Variants in CCNY observed in about 807,000 individuals in gnomAD.
CCNY encodes the protein cyclin-Y.
CCNY carries 19 observed loss-of-function variants against 42.8 expected under a neutral mutation model. That is an observed-to-expected ratio of 0.44 (90% confidence interval 0.31 to 0.65). The LOEUF (loss-of-function observed/expected upper bound fraction) is 0.65. Among genes scored for constraint, CCNY ranks in the 30% least tolerant of loss-of-function variants. The probability of loss-of-function intolerance (pLI) is 0.07; values close to 1 mark genes in which losing one functional copy is unlikely to be tolerated. For missense variants in CCNY, 370 were observed against 437.3 expected (o/e 0.85, Z 1.37); for synonymous variants, 165 against 162.7 (o/e 1.01, Z -0.11).
At chr10:35,283,491 C>T (rs1195114956) in intron 3 of CCNY, among the ~76,000 whole-genome samples, 3 of 152,004 alleles carry the variant, frequency 2.0e-5, no homozygotes, top group Non-Finnish European at 4.4e-5. Flanking sequence ...ACCACCTCTG[C>T]CTCCTGGGTT....
chr10:35,363,031 C>T lies in CCNY; in HGVS notation c.154+25824C>T, dbSNP rs112232445. Among the ~76,000 whole-genome samples the T allele has an allele frequency of 3.4e-3, 493 of 145,706 alleles. 3 individuals are homozygous for T. Among genetic ancestry groups the T allele is most frequent in the African/African-American group, 0.012 (462 of 39,092 alleles). On this transcript the variant is annotated intron_variant, in intron 1 of 9. Transcript: ENST00000374704. The stretch of plus-strand genomic sequence containing the variant: ...CCTCACTTCCCAGGTGGTGGGCCGC[C>T]GGCGGCCGGGCGGAGACGCTCCTCA...
intron 1 of CCNY, among the ~76,000 whole-genome samples, chr10:35,469,203 T>G (rs149180694): frequency 8.3e-4 from 126 of 152,330 alleles, no homozygotes; most frequent in African/African-American, 2.9e-3. Flanking sequence ...TCTCTTTGAT[T>G]CGGGCCTTAG....
chr10:35,482,749 GGTGT>G (rs56033862), intron 1 of CCNY, among the ~76,000 whole-genome samples: 4,203 of 128,840 alleles, frequency 0.033, 95 homozygotes, highest in African/African-American at 0.061. Context: ...GCTGGAAATA[GGTGT>G]GTGTGTGTGT....
chr10:35,444,031 G>A (rs1005746935), intron 1 of CCNY, among the ~76,000 whole-genome samples: 15 of 152,186 alleles, frequency 9.9e-5, no homozygotes, highest in Non-Finnish European at 1.6e-4. Context: ...AACTGCTAGC[G>A]AGTAGCACCC....
At chr10:35,328,594 C>T (rs1006369991) in intron 3 of CCNY, among the ~76,000 whole-genome samples, 5 of 152,106 alleles carry the variant, frequency 3.3e-5, no homozygotes, top group Admixed American at 2.6e-4. Context: ...TATATTACAT[C>T]ATGGAGAAAC....
chr10:35,436,286 C>G (rs1838530983), intron 1 of CCNY, among the ~76,000 whole-genome samples: 1 of 152,212 alleles, frequency 6.6e-6, no homozygotes, highest in African/African-American at 2.4e-5. Flanking sequence ...TCCTGGTGAG[C>G]TGATCCTTAT....
At chr10:35,538,483 GTGTC>G (rs2135432632) in intron 7 of CCNY, among the ~76,000 whole-genome samples, 1 of 152,290 alleles carries the variant, frequency 6.6e-6, no homozygotes, top group Admixed American at 6.5e-5. Context: ...ATGCTTGTTA[GTGTC>G]TGTCTTTTTC....
At chr10:35,438,518 C>T (rs1838593603) in intron 1 of CCNY, among the ~76,000 whole-genome samples, 1 of 151,992 alleles carries the variant, frequency 6.6e-6, no homozygotes, top group Admixed American at 6.6e-5. Flanking sequence ...TTAAGTTAAC[C>T]AGCCCTCTAT....
At chr10:35,479,214 T>G (rs1388908197) in intron 1 of CCNY, among the ~76,000 whole-genome samples, 3 of 151,738 alleles carry the variant, frequency 2.0e-5, no homozygotes, top group African/African-American at 7.3e-5. Context: ...CTCAGGGATC[T>G]AGAACTAGAA....
intron 3 of CCNY, among the ~76,000 whole-genome samples, chr10:35,254,830 CAAAA>C (rs748535872): frequency 2.3e-3 from 87 of 38,084 alleles, no homozygotes; most frequent in African/African-American, 7.7e-3. Context: ...GACCCTGTCT[CAAAA>C]AAAAAAAAAA....
At chr10:35,427,727 G>T (rs1838300457) in intron 1 of CCNY, among the ~76,000 whole-genome samples, 1 of 152,246 alleles carries the variant, frequency 6.6e-6, no homozygotes, top group South Asian at 2.1e-4. Flanking sequence ...CAGCTTCAGA[G>T]ATTTTCCAAA....
At chr10:35,290,785 G>T (rs1835404512) in intron 3 of CCNY, among the ~76,000 whole-genome samples, 1 of 151,872 alleles carries the variant, frequency 6.6e-6, no homozygotes, top group South Asian at 2.1e-4. Flanking sequence ...AACATAGTGA[G>T]ACCCTGTCTA....
chr10:35,256,073 A>T (rs1206189171), intron 3 of CCNY, among the ~76,000 whole-genome samples: 1 of 152,116 alleles, frequency 6.6e-6, no homozygotes, highest in Non-Finnish European at 1.5e-5. Context: ...TTCACTTCCA[A>T]CGGATTGTGT....
At chr10:35,492,292 G>A (rs776486547) in intron 2 of CCNY, among the ~76,000 whole-genome samples, 4 of 152,212 alleles carry the variant, frequency 2.6e-5, no homozygotes, top group South Asian at 2.1e-4. Context: ...TCTGTGGCAT[G>A]CTCTGCCCGC....
chr10:35,548,685 G>A (rs1168856007), intron 7 of CCNY, among the ~76,000 whole-genome samples: 1 of 152,172 alleles, frequency 6.6e-6, no homozygotes, highest in Non-Finnish European at 1.5e-5. Flanking sequence ...GGCTGAGGAG[G>A]GGAGGAGGGG....
intron 8 of CCNY, among the ~76,000 whole-genome samples, chr10:35,559,062 G>A (rs1050316864): frequency 1.3e-5 from 2 of 152,220 alleles, no homozygotes; most frequent in Non-Finnish European, 2.9e-5. Context: ...GGGCATTAAA[G>A]GTGATTCTGG....
At chr10:35,547,472 G>A (rs751560895) in intron 7 of CCNY, among the ~76,000 whole-genome samples, 1 of 152,024 alleles carries the variant, frequency 6.6e-6, no homozygotes, top group Non-Finnish European at 1.5e-5. Flanking sequence ...TTGGCTTCCC[G>A]TGTGCCCATA....
chr10:35,487,513 C>G (rs1839812425), intron 2 of CCNY, among the ~76,000 whole-genome samples: 1 of 152,090 alleles, frequency 6.6e-6, no homozygotes, highest in African/African-American at 2.4e-5. Flanking sequence ...ATCCCACCTC[C>G]CAGCTGTTCA....
chr10:35,424,298 C>T (rs1406080139), intron 1 of CCNY, among the ~76,000 whole-genome samples: 1 of 152,222 alleles, frequency 6.6e-6, no homozygotes, highest in Non-Finnish European at 1.5e-5. Context: ...GTGATCTCGG[C>T]TCACCGCAAC....
Sources: gnomAD v4.1 joint callset for allele counts (sites outside exome capture counted in the v4.1 genomes callset) on GRCh38, gnomAD v4.1.1 for gene constraint, MANE v1.5 for transcripts, NCBI Gene and HGNC (gene_info 2026-07-23, HGNC 2026-07-21) for gene names.